Variants in CSMD1 observed in about 807,000 individuals in gnomAD.
CSMD1 encodes CUB and sushi domain-containing protein 1.
A neutral mutation model predicts 417.5 loss-of-function variants in CSMD1; 213 were observed. The observed-to-expected ratio is 0.51, with a 90% CI of 0.46 to 0.57. The LOEUF (loss-of-function observed/expected upper bound fraction) is 0.57. CSMD1 is among the 20% of genes least tolerant of loss of function. The pLI is 0.00. For synonymous variants in CSMD1, 2,862 were observed against 1,736.8 expected (o/e 1.65, Z -16.11); for missense variants, 6,923 against 4,529.7 (o/e 1.53, Z -15.17).
At chr8:4,719,220 C>A (rs1000563145) in intron 1 of CSMD1, among the ~76,000 whole-genome samples, 1 of 152,174 alleles carries the variant, frequency 6.6e-6, no homozygotes, top group Non-Finnish European at 1.5e-5. Flanking sequence ...CTAGATGGCA[C>A]ACATTGTCAT....
chr8:4,732,237 C>G (rs1809930906), intron 1 of CSMD1, among the ~76,000 whole-genome samples: 1 of 152,124 alleles, frequency 6.6e-6, no homozygotes, highest in African/African-American at 2.4e-5. Flanking sequence ...ACTCTTTCTA[C>G]TCTAACAAAC....
intron 6 of CSMD1, among the ~76,000 whole-genome samples, chr8:3,716,977 A>G (rs2129043098): frequency 6.6e-6 from 1 of 152,326 alleles, no homozygotes; most frequent in African/African-American, 2.4e-5. Flanking sequence ...TCATTTACAA[A>G]AAAATAAAAA....
chr8:3,972,076 G>C (rs1220125812), intron 5 of CSMD1, among the ~76,000 whole-genome samples: 5 of 151,972 alleles, frequency 3.3e-5, no homozygotes, highest in African/African-American at 4.8e-5. Flanking sequence ...TCTGTATGTT[G>C]CCCAGGCTGA....
At chr8:3,593,063 C>A (rs76061235) in intron 8 of CSMD1, among the ~76,000 whole-genome samples, 1,537 of 152,256 alleles carry the variant, frequency 0.01, 35 homozygotes, top group African/African-American at 0.036. Flanking sequence ...GGGGGTCCTG[C>A]CCAGTGAGAA....
chr8:4,825,089 C>T (rs1321457978), intron 1 of CSMD1, among the ~76,000 whole-genome samples: 1 of 152,080 alleles, frequency 6.6e-6, no homozygotes, highest in Non-Finnish European at 1.5e-5. Context: ...ATACTGCATA[C>T]ATTTATAACT....
At chr8:3,915,169 G>C (rs1328838173) in intron 5 of CSMD1, among the ~76,000 whole-genome samples, 1 of 152,076 alleles carries the variant, frequency 6.6e-6, no homozygotes, top group African/African-American at 2.4e-5. Flanking sequence ...CCTTTGGGAG[G>C]CTGAGGCAGG....
chr8:4,540,288 A>G (rs565567905), intron 2 of CSMD1, among the ~76,000 whole-genome samples: 1 of 152,184 alleles, frequency 6.6e-6, no homozygotes, highest in Non-Finnish European at 1.5e-5. Flanking sequence ...GCCCATAAAC[A>G]TCTCACCAAA....
intron 4 of CSMD1, among the ~76,000 whole-genome samples, chr8:4,007,493 C>G (rs1055852561): frequency 2.0e-5 from 3 of 152,126 alleles, no homozygotes; most frequent in Non-Finnish European, 4.4e-5. Context: ...TTCCTGCCCG[C>G]CCTCTCTGGC....
rs1801349955 is a variant in CSMD1 at position 4,614,254 on chromosome 8, C to G, written c.302+23088G>C. On this transcript the variant is annotated intron_variant, in intron 2 of 69. Coordinates refer to ENST00000635120, the MANE Select transcript of CSMD1 (RefSeq NM_033225.6). ...TGAGGAGATGGACCCAAGACTAGTT[C>G]AGGCTACACATTTGTGTTTCACACC... Among the ~76,000 whole-genome samples the G allele has an allele frequency of 2.6e-5, 4 of 152,196 alleles. No individual in the cohort carries two copies. The South Asian group carries it at 8.3e-4, about 31-fold the overall frequency.
chr8:3,449,771 G>A (rs755071172), intron 12 of CSMD1, among the ~76,000 whole-genome samples: 2 of 152,062 alleles, frequency 1.3e-5, no homozygotes, highest in African/African-American at 2.4e-5. Context: ...TCCCACCTTG[G>A]CCTCCCAAAG....
intron 3 of CSMD1, among the ~76,000 whole-genome samples, chr8:4,144,364 T>C (rs548738083): frequency 4.0e-5 from 6 of 151,262 alleles, no homozygotes; most frequent in East Asian, 1.9e-4. Flanking sequence ...AATTTTCTGA[T>C]AAGGGTGTGT....
intron 3 of CSMD1, among the ~76,000 whole-genome samples, chr8:4,122,830 A>G (rs1002845107): frequency 2.0e-5 from 3 of 152,184 alleles, no homozygotes; most frequent in Non-Finnish European, 2.9e-5. Context: ...CTCCCTCTGT[A>G]ACAGAGTTCA....
At chr8:3,983,562 C>T (rs1372519371) in intron 5 of CSMD1, among the ~76,000 whole-genome samples, 10 of 152,160 alleles carry the variant, frequency 6.6e-5, no homozygotes, top group Admixed American at 6.5e-4. Context: ...AAGGACAGCC[C>T]CAATTTTGTT....
At chr8:3,727,227 G>T (rs185737545) in intron 6 of CSMD1, among the ~76,000 whole-genome samples, 4 of 152,166 alleles carry the variant, frequency 2.6e-5, no homozygotes, top group African/African-American at 7.2e-5. Context: ...AGTTGCGTTT[G>T]ACAATTATCA....
intron 5 of CSMD1, among the ~76,000 whole-genome samples, chr8:3,849,395 A>G (rs1467133440): frequency 6.6e-6 from 1 of 152,160 alleles, no homozygotes; most frequent in East Asian, 1.9e-4. Flanking sequence ...GCGCCAAGGA[A>G]GGACGGACGA....
chr8:3,175,510 T>TGCCTGCCTGCCTGCCTGCCTTCC (rs1554451344), intron 37 of CSMD1, among the ~76,000 whole-genome samples: 2 of 132,952 alleles, frequency 1.5e-5, no homozygotes, highest in Non-Finnish European at 3.2e-5. Flanking sequence ...CCTGCCTGCC[T>TGCCTGCCTGCCTGCCTGCCTTCC]TTTTTCCTTC....
chr8:4,280,471 T>C (rs1429886800), intron 3 of CSMD1, among the ~76,000 whole-genome samples: 1 of 152,220 alleles, frequency 6.6e-6, no homozygotes, highest in Non-Finnish European at 1.5e-5. Flanking sequence ...TACATCACTG[T>C]TTCAGTATAT....
At chr8:3,930,748 T>C in intron 5 of CSMD1, among the ~76,000 whole-genome samples, 1 of 150,336 alleles carries the variant, frequency 6.7e-6, no homozygotes, top group East Asian at 1.9e-4. Context: ...TATGTTCAAG[T>C]GCTACTTCTT....
chr8:4,169,985 A>G (rs938448772), intron 3 of CSMD1, among the ~76,000 whole-genome samples: 4 of 151,858 alleles, frequency 2.6e-5, no homozygotes, highest in Admixed American at 6.5e-5. Context: ...CTTTGTGCAT[A>G]GAAGAGTGTT....
Sources: allele counts gnomAD v4.1 joint callset (sites outside exome capture counted in the v4.1 genomes callset), GRCh38; gene constraint gnomAD v4.1.1; transcripts MANE v1.5; gene names NCBI Gene and HGNC (gene_info 2026-07-23, HGNC 2026-07-21).